The following RERG variants were observed in gnomAD, a reference collection of about 807,000 sequenced individuals.
The protein encoded by RERG is RAS like estrogen regulated growth inhibitor.
A neutral mutation model predicts 23.2 loss-of-function variants in RERG; 25 were observed. That is an observed-to-expected ratio of 1.08 (90% CI 0.79 to 1.50). The LOEUF (loss-of-function observed/expected upper bound fraction) is 1.50, where lower values mean the gene tolerates loss of function less well. Ranked by LOEUF, RERG falls within the 40% of genes most tolerant of loss-of-function variation. RERG has a pLI of 0.00. For missense variants in RERG, 253 were observed against 250.1 expected (o/e 1.01, Z -0.08); for synonymous variants, 81 against 89.1 (o/e 0.91, Z 0.51).
intron 2 of RERG, among the ~76,000 whole-genome samples, chr12:15,137,226 T>C (rs1357306512): frequency 6.6e-6 from 1 of 151,832 alleles, no homozygotes; most frequent in Non-Finnish European, 1.5e-5. Flanking sequence ...AATATAGCTA[T>C]TCCAGTTTTC....
chr12:15,110,582 C>T (rs534322240), intron 4 of RERG, among the ~76,000 whole-genome samples: 4 of 148,676 alleles, frequency 2.7e-5, no homozygotes, highest in Admixed American at 6.8e-5. Context: ...GGGTTCACAC[C>T]GTTCTCCTGC....
intron 2 of RERG, among the ~76,000 whole-genome samples, chr12:15,161,301 G>A (rs1281334648): frequency 6.6e-6 from 1 of 152,152 alleles, no homozygotes; most frequent in Non-Finnish European, 1.5e-5. Flanking sequence ...GTGTCACACA[G>A]TATAATCTGT....
intron 3 of RERG, among the ~76,000 whole-genome samples, chr12:15,115,691 T>C (rs930929981): frequency 2.6e-5 from 4 of 152,016 alleles, no homozygotes; most frequent in African/African-American, 9.7e-5. Context: ...TGTAAGCCGG[T>C]GGTTTTGTAA....
intron 2 of RERG, among the ~76,000 whole-genome samples, chr12:15,167,491 A>G (rs1247117613): frequency 1.3e-5 from 2 of 152,138 alleles, no homozygotes; most frequent in African/African-American, 4.8e-5. Flanking sequence ...GGCATGGGTA[A>G]CTGCATTTCT....
At chr12:15,206,423 A>C (rs79908397) in intron 2 of RERG, among the ~76,000 whole-genome samples, 2,938 of 152,276 alleles carry the variant, frequency 0.019, 93 homozygotes, top group African/African-American at 0.065. Flanking sequence ...TGCAGCTCAC[A>C]AAAAGCTATA....
At chr12:15,112,184 C>T (rs1863632248) in intron 3 of RERG, among the ~76,000 whole-genome samples, 1 of 152,166 alleles carries the variant, frequency 6.6e-6, no homozygotes, top group South Asian at 2.1e-4. Context: ...AATTTCCTTT[C>T]AAACCTCAGC....
At chr12:15,155,016 A>G (rs1280281816) in intron 2 of RERG, among the ~76,000 whole-genome samples, 1 of 152,212 alleles carries the variant, frequency 6.6e-6, no homozygotes, top group Non-Finnish European at 1.5e-5. Context: ...CTTGGAAAAG[A>G]AACCAGTGTA....
At chr12:15,196,234 T>A (rs571761467) in intron 2 of RERG, among the ~76,000 whole-genome samples, 15 of 152,226 alleles carry the variant, frequency 9.9e-5, no homozygotes, top group African/African-American at 3.6e-4. Flanking sequence ...TACGTAGGAG[T>A]GAGCACATTG....
rs1285627744 is a variant in RERG, at chr12:15,179,058, T to C, written c.61+38371A>G. Among the ~76,000 whole-genome samples the C allele has an allele frequency of 2.6e-5, 4 of 152,086 alleles. No homozygotes were observed. The East Asian group carries it at 7.7e-4, about 29-fold the overall frequency. On this transcript the variant is annotated intron_variant, in intron 2 of 4. Transcript: ENST00000256953. ...ATTTCAGGCATCAGAAATATAGAAA[T>C]TAAAGAAAGAAGGGAAGGGAAGGAG... is the stretch of plus-strand genomic sequence containing the variant.
At chr12:15,155,872 T>A (rs1864514419) in intron 2 of RERG, among the ~76,000 whole-genome samples, 1 of 5,824 alleles carries the variant, frequency 1.7e-4, no homozygotes, top group Middle Eastern at 0.033. Context: ...TAATAATACT[T>A]TTTAAATATA....
At chr12:15,219,790 T>TG (rs1408632978) in intron 1 of RERG, among the ~76,000 whole-genome samples, 1 of 152,212 alleles carries the variant, frequency 6.6e-6, no homozygotes, top group African/African-American at 2.4e-5. Context: ...TGCAAGTAAT[T>TG]ATCTGTCTGA....
chr12:15,200,259 T>C (rs967142212), intron 2 of RERG, among the ~76,000 whole-genome samples: 1 of 152,088 alleles, frequency 6.6e-6, no homozygotes, highest in African/African-American at 2.4e-5. Context: ...TTTTTTAATT[T>C]GTAGTGAACA....
chr12:15,109,588 A>C, intron 4 of RERG, 71 bp from the exon 5 acceptor site: 1 of 1,213,132 alleles, frequency 8.2e-7, no homozygotes, highest in Non-Finnish European at 1.2e-6. Flanking sequence ...GGTAATGCTG[A>C]CAGTAATGCC....
chr12:15,112,701 A>G (rs921483508), intron 3 of RERG, among the ~76,000 whole-genome samples: 1 of 152,202 alleles, frequency 6.6e-6, no homozygotes, highest in Non-Finnish European at 1.5e-5. Context: ...TAAGTAAAAC[A>G]AAGGAACATG....
chr12:15,211,284 TACACAC>T (rs56263472), intron 2 of RERG, among the ~76,000 whole-genome samples: 23,196 of 142,728 alleles, frequency 0.16, 1,935 homozygotes, highest in South Asian at 0.22. Flanking sequence ...TGTCATTTTA[TACACAC>T]ACACACACAC....
chr12:15,212,041 A>ATTTTTTTTTTTTTT (rs1565539269), intron 2 of RERG, among the ~76,000 whole-genome samples: 1 of 92,544 alleles, frequency 1.1e-5, no homozygotes, highest in African/African-American at 3.6e-5. Flanking sequence ...CCACGAATAA[A>ATTTTTTTTTTTTTT]CTTTTTTTTT....
Position 15,121,076 on chromosome 12 carries a change from A to T in RERG, c.105T>A (p.Tyr35Ter). The T allele has an allele frequency of 6.2e-7, 1 of 1,613,046 alleles. No homozygotes were observed. The highest frequency in any genetic ancestry group is 8.5e-7 in the Non-Finnish European group (1 of 1,179,116). Residue 35 changes from tyrosine (Y) to a stop codon, truncating the protein, a stop_gained, in exon 3 of 5, where the codon TAT becomes TAA. Transcript: ENST00000256953. LOFTEE classifies it high-confidence loss of function. ...RFLTKRFIWEYDPTLESTYRH... is the reference protein window; with the variant it reads ...RFLTKRFIWE Reference sequence around the variant, plus strand: ...AATTTGACCTACCGAGGGTGGGATCATATTCCCAGATGAACCGTTTGGTCA... The same window carrying T: ...AATTTGACCTACCGAGGGTGGGATCTTATTCCCAGATGAACCGTTTGGTCA...
chr12:15,214,039 C>T (rs200356963), intron 2 of RERG, among the ~76,000 whole-genome samples: 1,570 of 62,154 alleles, frequency 0.025, 16 homozygotes, highest in African/African-American at 0.058. Context: ...TGTGTGTGTG[C>T]GCGTGTGTGG....
intron 2 of RERG, among the ~76,000 whole-genome samples, chr12:15,171,512 C>T (rs1020286435): frequency 2.0e-5 from 3 of 152,008 alleles, no homozygotes; most frequent in African/African-American, 7.2e-5. Context: ...AGAGGAGCCT[C>T]CAGAGGTTTC....
Sources: allele counts gnomAD v4.1 joint callset (sites outside exome capture counted in the v4.1 genomes callset), GRCh38; gene constraint gnomAD v4.1.1; transcripts MANE v1.5; gene names NCBI Gene and HGNC (gene_info 2026-07-23, HGNC 2026-07-21).